SUSD1: variants seen among roughly 807,000 people sequenced by gnomAD.
SUSD1 encodes sushi domain containing 1.
SUSD1 carries 65 observed loss-of-function variants against 86.9 expected under a neutral mutation model. That is an observed-to-expected ratio of 0.75 (90% CI 0.61 to 0.92). SUSD1 has a LOEUF of 0.92. Among genes scored for constraint, SUSD1 ranks in the 40% least tolerant of loss-of-function variants. The pLI is 0.00. For synonymous variants in SUSD1, 346 were observed against 350.0 expected, an observed-to-expected ratio of 0.99 and a Z score of 0.13; for missense variants, 850 against 929.7, an observed-to-expected ratio of 0.91 and a Z score of 1.11.
intron 6 of SUSD1, among the ~76,000 whole-genome samples, chr9:112,117,428 A>G (rs1378525563): frequency 1.3e-5 from 2 of 152,182 alleles, no homozygotes; most frequent in African/African-American, 4.8e-5. Context: ...GGAGGCCCCC[A>G]CAGTGTCCAG....
chr9:112,105,057 A>T (rs1830780477), intron 8 of SUSD1: 1 of 152,248 alleles, frequency 6.6e-6, no homozygotes, highest in Admixed American at 6.5e-5. Flanking sequence ...GACAGCAGAG[A>T]GGAAACTGGT....
At chr9:112,120,068 G>T (rs999492403) in intron 6 of SUSD1, among the ~76,000 whole-genome samples, 1 of 152,282 alleles carries the variant, frequency 6.6e-6, no homozygotes, top group East Asian at 1.9e-4. Flanking sequence ...AAAATACACA[G>T]AGGCAGGAGG....
At chr9:112,108,428 A>G (rs145802665) in intron 8 of SUSD1, among the ~76,000 whole-genome samples, 243 of 152,050 alleles carry the variant, frequency 1.6e-3, no homozygotes, top group African/African-American at 5.3e-3. Flanking sequence ...TTTAACAGAA[A>G]TATGGGCTGT....
intron 10 of SUSD1, among the ~76,000 whole-genome samples, chr9:112,083,242 T>C (rs1205116206): frequency 1.3e-5 from 2 of 152,212 alleles, no homozygotes; most frequent in Non-Finnish European, 2.9e-5. Flanking sequence ...GAATTTTTTT[T>C]TTTGAGATGT....
chr9:112,085,607 T>A (rs1335718987), intron 10 of SUSD1, among the ~76,000 whole-genome samples: 1 of 152,090 alleles, frequency 6.6e-6, no homozygotes, highest in Non-Finnish European at 1.5e-5. Flanking sequence ...GTTACGGGAA[T>A]TCAGAAAGAA....
At chr9:112,100,474 C>T (rs1830587093) in intron 9 of SUSD1, among the ~76,000 whole-genome samples, 1 of 152,132 alleles carries the variant, frequency 6.6e-6, no homozygotes, top group Non-Finnish European at 1.5e-5. Context: ...GCGTGAGCCA[C>T]CACGCCTGGC....
chr9:112,143,420 C>A, intron 4 of SUSD1, 51 bp downstream of exon 4: 1 of 1,593,164 alleles, frequency 6.3e-7, no homozygotes, highest in South Asian at 1.1e-5. Flanking sequence ...AAGAAAGTCA[C>A]CATCAACAGA....
At chr9:112,088,199 C>G (rs187938706) in intron 10 of SUSD1, among the ~76,000 whole-genome samples, 208 of 152,308 alleles carry the variant, frequency 1.4e-3, no homozygotes, top group Middle Eastern at 6.8e-3. Flanking sequence ...ATACTGTGCT[C>G]TTAAGGAATC....
intron 14 of SUSD1, among the ~76,000 whole-genome samples, chr9:112,054,008 G>A (rs1388962805): frequency 2.6e-5 from 4 of 152,178 alleles, no homozygotes; most frequent in South Asian, 2.1e-4. Context: ...AAAGAAGGAA[G>A]AGACAAGAAC....
At chr9:112,077,527 T>C (rs1829571611) in intron 12 of SUSD1, among the ~76,000 whole-genome samples, 1 of 130,364 alleles carries the variant, frequency 7.7e-6, no homozygotes, top group Admixed American at 7.6e-5. Context: ...TTTTTTTTTT[T>C]TTGAGATGGA....
intron 3 of SUSD1, 107 bp downstream of exon 3, chr9:112,149,137 T>G: frequency 1.4e-6 from 2 of 1,438,398 alleles, no homozygotes; most frequent in Non-Finnish European, 1.9e-6. Flanking sequence ...AATACCATTA[T>G]GCCATCTAAC....
At chr9:112,117,104 C>A (rs1831358897) in intron 6 of SUSD1, among the ~76,000 whole-genome samples, 1 of 152,330 alleles carries the variant, frequency 6.6e-6, no homozygotes, top group South Asian at 2.1e-4. Context: ...CGTGCCACTG[C>A]ACTCCAGCCT....
At chr9:112,071,185 G>T (rs1257170494) in intron 12 of SUSD1, among the ~76,000 whole-genome samples, 1 of 152,128 alleles carries the variant, frequency 6.6e-6, no homozygotes, top group Non-Finnish European at 1.5e-5. Context: ...AGTAGGTCAG[G>T]TGCAGTGGCT....
At chr9:112,089,727 G>A (rs1295171091) in intron 10 of SUSD1, among the ~76,000 whole-genome samples, 1 of 150,584 alleles carries the variant, frequency 6.6e-6, no homozygotes, top group Non-Finnish European at 1.5e-5. Flanking sequence ...CAGGAGAATC[G>A]CTCGAACCCG....
At chr9:112,052,280 AG>A (rs1425739288) in intron 15 of SUSD1, 118 bp downstream of exon 15, 27 of 1,585,710 alleles carry the variant, frequency 1.7e-5, no homozygotes, top group African/African-American at 2.7e-5. Context: ...CTTTGCTTAA[AG>A]TAGTATGAAT....
intron 1 of SUSD1, among the ~76,000 whole-genome samples, chr9:112,165,375 G>C (rs966780396): frequency 6.8e-6 from 1 of 147,912 alleles, no homozygotes; most frequent in African/African-American, 2.5e-5. Context: ...ACCTGTTGTG[G>C]TGTTGTGCTA....
At chr9:112,123,085 ATAGTT>A (rs1296153002) in intron 6 of SUSD1, among the ~76,000 whole-genome samples, 1 of 152,202 alleles carries the variant, frequency 6.6e-6, no homozygotes, top group Admixed American at 6.5e-5. Flanking sequence ...ACACTTAAAA[ATAGTT>A]AAGATGGTGT....
At chr9:112,065,685 T>C (rs1441502073) in intron 12 of SUSD1, among the ~76,000 whole-genome samples, 1 of 152,172 alleles carries the variant, frequency 6.6e-6, no homozygotes, top group Non-Finnish European at 1.5e-5. Context: ...AATAATACGA[T>C]GTAGTGGGTA....
At chr9:112,163,515 G>A (rs1309912506) in intron 1 of SUSD1, among the ~76,000 whole-genome samples, 2 of 151,900 alleles carry the variant, frequency 1.3e-5, no homozygotes, top group East Asian at 3.9e-4. Context: ...GTGCATAGCT[G>A]TAATCCCAGC....
Sources: allele counts gnomAD v4.1 joint callset (sites outside exome capture counted in the v4.1 genomes callset), GRCh38; gene constraint gnomAD v4.1.1; transcripts MANE v1.5; gene names NCBI Gene and HGNC (gene_info 2026-07-23, HGNC 2026-07-21).